Variants in WDFY3 observed in about 807,000 individuals in gnomAD.
WDFY3 encodes the protein WD repeat and FYVE domain-containing protein 3.
WDFY3 carries 66 observed loss-of-function variants against 409.6 expected under a neutral mutation model. That is an observed-to-expected ratio of 0.16 (90% confidence interval 0.13 to 0.20). The LOEUF (loss-of-function observed/expected upper bound fraction) is 0.20, where lower values mean the gene tolerates loss of function less well. Among genes scored for constraint, WDFY3 ranks in the 10% least tolerant of loss-of-function variants. The probability of loss-of-function intolerance (pLI) is 1.00; values close to 1 mark genes in which losing one functional copy is unlikely to be tolerated. For missense variants in WDFY3, 3,031 were observed against 4,298.1 expected (o/e 0.71, Z 8.24); for synonymous variants, 1,521 against 1,537.1 (o/e 0.99, Z 0.25).
chr4:84,842,371 G>A (rs1757485258), intron 5 of WDFY3, among the ~76,000 whole-genome samples: 1 of 152,054 alleles, frequency 6.6e-6, no homozygotes, highest in Admixed American at 6.6e-5. Context: ...CAGCTACTTG[G>A]GAGGCTGAGG....
intron 2 of WDFY3, among the ~76,000 whole-genome samples, chr4:84,924,901 G>T (rs1281755767): frequency 6.6e-6 from 1 of 152,036 alleles, no homozygotes; most frequent in Non-Finnish European, 1.5e-5. Context: ...CTCCAAATTT[G>T]CCCTTGAAAA....
chr4:84,809,767 C>A (rs1030708854), intron 14 of WDFY3, 120 bp downstream of exon 14: 11 of 873,394 alleles, frequency 1.3e-5, no homozygotes, highest in Admixed American at 3.2e-5. Flanking sequence ...ACACTTCAAA[C>A]AAATAGGAGA....
chr4:84,675,488 T>C (rs891207786), intron 67 of WDFY3, among the ~76,000 whole-genome samples: 2 of 152,228 alleles, frequency 1.3e-5, no homozygotes, highest in African/African-American at 4.8e-5. Flanking sequence ...TCTCATTTAA[T>C]TCTCTCAATA....
rs1253414626 is a variant in WDFY3, at chr4:84,690,368, C to A, written c.9363+138G>T. On this transcript the variant is annotated intron_variant, in intron 61 of 67. Transcript: ENST00000295888. ...TCCTTTTTTTTTCAAAAAAGTATTT[C>A]TAGCAACAGAACGTCACTTTGGTTT... The A allele has an allele frequency of 4.1e-6, 5 of 1,213,036 alleles. No homozygotes were observed. In the African/African-American group the frequency reaches 7.7e-5, roughly 19 times the overall value. 75.1% of individuals were successfully genotyped at this position (1,213,036 alleles called of 1,614,324 possible). A position where few individuals can be genotyped will look rare whatever the true frequency, so the allele number is the denominator to read the frequency against.
intron 27 of WDFY3, among the ~76,000 whole-genome samples, chr4:84,777,805 A>G (rs921556805): frequency 2.0e-5 from 3 of 152,162 alleles, no homozygotes; most frequent in Non-Finnish European, 2.9e-5. Flanking sequence ...CATAGATCCT[A>G]CAGTTTCACA....
chr4:84,910,195 C>T lies in WDFY3; in HGVS notation c.-131-13185G>A, dbSNP rs115015254. Among the ~76,000 whole-genome samples the T allele has an allele frequency of 1.8e-3, 270 of 152,068 alleles. 3 individuals are homozygous for T. Among genetic ancestry groups the T allele is most frequent in the African/African-American group, 6.1e-3 (253 of 41,464 alleles). ...TTCGGTATTATAAGTAATCTAAAGACGATTTACAGTATACAGGAGGATACG... is the reference window on the plus strand; with the variant it reads ...TTCGGTATTATAAGTAATCTAAAGATGATTTACAGTATACAGGAGGATACG... On this transcript the variant is annotated intron_variant, in intron 2 of 67. Transcript: ENST00000295888.
intron 40 of WDFY3, 65 bp downstream of exon 40, chr4:84,738,945 T>C (rs1420119381): frequency 6.4e-7 from 1 of 1,556,150 alleles, no homozygotes; most frequent in African/African-American, 1.4e-5. Context: ...AATTTGTTGG[T>C]TATGTCTTAA....
intron 30 of WDFY3, among the ~76,000 whole-genome samples, chr4:84,770,196 T>C (rs1263034532): frequency 6.6e-6 from 1 of 151,754 alleles, no homozygotes; most frequent in Non-Finnish European, 1.5e-5. Context: ...GCCTGGCTAA[T>C]TTTTTTGTAT....
intron 3 of WDFY3, among the ~76,000 whole-genome samples, chr4:84,883,569 A>AG (rs1763820043): frequency 6.6e-6 from 1 of 152,186 alleles, no homozygotes; most frequent in African/African-American, 2.4e-5. Context: ...ATTCCATAAT[A>AG]AGACCTAATT....
At chr4:84,821,621 T>C in intron 10 of WDFY3, 70 bp from the exon 11 acceptor site, 2 of 1,232,200 alleles carry the variant, frequency 1.6e-6, no homozygotes, top group South Asian at 2.9e-5. Context: ...CTAGTCTGTT[T>C]AAACACATCA....
intron 2 of WDFY3, among the ~76,000 whole-genome samples, chr4:84,910,090 C>T (rs1367522087): frequency 6.6e-6 from 1 of 152,168 alleles, no homozygotes; most frequent in African/African-American, 2.4e-5. Context: ...TCCATCTGTA[C>T]TAAACATGTA....
At chr4:84,890,421 G>T (rs778174994) in intron 3 of WDFY3, among the ~76,000 whole-genome samples, 7 of 152,166 alleles carry the variant, frequency 4.6e-5, no homozygotes, top group Non-Finnish European at 7.3e-5. Context: ...TTGAAAAGGA[G>T]AAGTGAAGCA....
At chr4:84,923,807 T>C (rs1032520804) in intron 2 of WDFY3, among the ~76,000 whole-genome samples, 1 of 152,130 alleles carries the variant, frequency 6.6e-6, no homozygotes, top group African/African-American at 2.4e-5. Flanking sequence ...AAAACTAGCC[T>C]GGCCAACATG....
At chr4:84,882,813 A>C (rs1327330123) in intron 3 of WDFY3, among the ~76,000 whole-genome samples, 2 of 151,896 alleles carry the variant, frequency 1.3e-5, no homozygotes, top group African/African-American at 4.8e-5. Flanking sequence ...TCCTAGGCTC[A>C]AGTGATCCTC....
intron 2 of WDFY3, among the ~76,000 whole-genome samples, chr4:84,916,983 A>T (rs1483425417): frequency 6.6e-6 from 1 of 152,188 alleles, no homozygotes; most frequent in Non-Finnish European, 1.5e-5. Flanking sequence ...TTTATATATC[A>T]CACAAAAACA....
intron 17 of WDFY3, among the ~76,000 whole-genome samples, chr4:84,799,331 T>C (rs1750074426): frequency 1.1e-5 from 1 of 93,854 alleles, no homozygotes; most frequent in African/African-American, 2.9e-5. Flanking sequence ...AATACATATA[T>C]ATATATATTT....
intron 56 of WDFY3, among the ~76,000 whole-genome samples, chr4:84,700,920 G>C (rs542404054): frequency 1.3e-5 from 2 of 152,148 alleles, no homozygotes; most frequent in Admixed American, 6.6e-5. Flanking sequence ...GACCAGCCTA[G>C]GCAACATGGG....
chr4:84,776,571 A>C (rs1745580989), intron 27 of WDFY3, among the ~76,000 whole-genome samples: 1 of 152,076 alleles, frequency 6.6e-6, no homozygotes, highest in Non-Finnish European at 1.5e-5. Flanking sequence ...AGGTCTTCTT[A>C]GTGTTCCCAT....
At chr4:84,960,671 T>C (rs1774798321) in intron 1 of WDFY3, among the ~76,000 whole-genome samples, 1 of 151,992 alleles carries the variant, frequency 6.6e-6, no homozygotes, top group South Asian at 2.1e-4. Flanking sequence ...AAAGAAGGGG[T>C]CTCACTATGT....
Sources: allele counts gnomAD v4.1 joint callset (sites outside exome capture counted in the v4.1 genomes callset), GRCh38; gene constraint gnomAD v4.1.1; transcripts MANE v1.5; gene names NCBI Gene and HGNC (gene_info 2026-07-23, HGNC 2026-07-21).